The following CPAP variants were observed in gnomAD, a reference collection of about 807,000 sequenced individuals.
CPAP encodes the protein centrosome assembly and centriole elongation protein.
At chr13:24,925,795 G>C in the CPAP span, 1 of 152,704 alleles carries the variant, frequency 6.5e-6, no homozygotes, top group Non-Finnish European at 1.5e-5. Flanking sequence ...AGGGCAAGGA[G>C]TAGGTACCAG....
chr13:24,891,126 A>G, the CPAP span, among the ~76,000 whole-genome samples: 1 of 151,942 alleles, frequency 6.6e-6, no homozygotes, highest in Non-Finnish European at 1.5e-5. Flanking sequence ...TCTCCCTGGT[A>G]AACTCCATGG....
chr13:24,883,356 G>GTT, the CPAP span: 1 of 1,606,390 alleles, frequency 6.2e-7, no homozygotes, highest in Admixed American at 1.7e-5. Context: ...AACTCTATGA[G>GTT]TTTGTTGCCA....
the CPAP span, among the ~76,000 whole-genome samples, chr13:24,928,710 G>C: frequency 2.0e-5 from 3 of 152,122 alleles, no homozygotes; most frequent in Non-Finnish European, 2.9e-5. Flanking sequence ...GATTACATGC[G>C]TGAGCCACCA....
chr13:24,930,449 C>G, the CPAP span, among the ~76,000 whole-genome samples: 1 of 152,102 alleles, frequency 6.6e-6, no homozygotes, highest in Non-Finnish European at 1.5e-5. Context: ...TTTTTTCAAC[C>G]CTTGCCCTTT....
chr13:24,883,099 TAAAC>T, the CPAP span: 1 of 1,283,284 alleles, frequency 7.8e-7, no homozygotes, highest in Non-Finnish European at 1.1e-6. Context: ...CACAATAAAT[TAAAC>T]AGAATCCACA....
At chr13:24,932,628 T>C in the CPAP span, among the ~76,000 whole-genome samples, 1 of 152,258 alleles carries the variant, frequency 6.6e-6, no homozygotes, top group Non-Finnish European at 1.5e-5. Context: ...TTTGAATGCA[T>C]AGAATTATAT....
chr13:24,932,497 C>A, the CPAP span, among the ~76,000 whole-genome samples: 1 of 152,114 alleles, frequency 6.6e-6, no homozygotes, highest in Non-Finnish European at 1.5e-5. Context: ...CACCCAAATG[C>A]AGAATATATA....
the CPAP span, chr13:24,912,956 G>A: frequency 3.1e-6 from 5 of 1,614,124 alleles, no homozygotes; most frequent in South Asian, 1.1e-5. Context: ...GCCCGAGAAG[G>A]ATTGGTCATC....
At chr13:24,912,658 T>G in the CPAP span, 1 of 1,613,528 alleles carries the variant, frequency 6.2e-7, no homozygotes, top group African/African-American at 1.3e-5. Flanking sequence ...GATGAAGTCA[T>G]TTTTGTTTTC....
chr13:24,924,864 C>G, the CPAP span: 1 of 146,664 alleles, frequency 6.8e-6, no homozygotes, highest in African/African-American at 2.5e-5. Context: ...TTTCTGAAAC[C>G]AGTCTTCTCA....
At chr13:24,884,402 T>C in the CPAP span, 7 of 1,613,964 alleles carry the variant, frequency 4.3e-6, no homozygotes, top group South Asian at 1.1e-5. Flanking sequence ...TGCACTCACT[T>C]CCTTTCGAGT....
the CPAP span, chr13:24,912,001 G>A: frequency 6.2e-7 from 1 of 1,614,082 alleles, no homozygotes; most frequent in Non-Finnish European, 8.5e-7. Flanking sequence ...GTTCTTCCAT[G>A]AGTCTCTGTA....
chr13:24,885,542 T>TTA, the CPAP span: 8 of 1,321,800 alleles, frequency 6.1e-6, no homozygotes, highest in Non-Finnish European at 8.8e-6. Context: ...GTTAAGTCTA[T>TTA]TAACAAATTG....
the CPAP span, chr13:24,883,488 G>A: frequency 1.4e-6 from 1 of 733,464 alleles, no homozygotes; most frequent in Non-Finnish European, 2.2e-6. Context: ...ACATCCCTTG[G>A]TTATCCCTAT....
the CPAP span, among the ~76,000 whole-genome samples, chr13:24,896,263 G>C: frequency 6.6e-6 from 1 of 152,132 alleles, no homozygotes; most frequent in African/African-American, 2.4e-5. Context: ...GAACAAAGGC[G>C]AGAGTTCAAG....
the CPAP span, chr13:24,903,990 T>C: frequency 6.2e-7 from 1 of 1,614,128 alleles, no homozygotes; most frequent in Non-Finnish European, 8.5e-7. Context: ...TTCTCAGCTT[T>C]AAACTTTTCT....
the CPAP span, chr13:24,889,478 G>GC: frequency 1.0e-6 from 1 of 966,912 alleles, no homozygotes; most frequent in South Asian, 1.4e-5. Flanking sequence ...ATAAAACTCA[G>GC]CTAGTGCTAA....
At chr13:24,910,220 G>T in the CPAP span, 1 of 849,764 alleles carries the variant, frequency 1.2e-6, no homozygotes, top group Non-Finnish European at 1.9e-6. Context: ...AGGAAATGGT[G>T]TTTAACAAAA....
At chr13:24,933,029 G>GT in the CPAP span, 1 of 1,588,744 alleles carries the variant, frequency 6.3e-7, no homozygotes, top group South Asian at 1.1e-5. Flanking sequence ...TTTGCAAATT[G>GT]TATCTTCTGT....
Sources: gnomAD v4.1 joint callset for allele counts (sites outside exome capture counted in the v4.1 genomes callset) on GRCh38, gnomAD v4.1.1 for gene constraint, MANE v1.5 for transcripts, NCBI Gene and HGNC (gene_info 2026-07-23, HGNC 2026-07-21) for gene names.